SPOPL: variants seen among roughly 807,000 people sequenced by gnomAD.
SPOPL encodes speckle-type POZ protein-like.
A neutral mutation model predicts 53.8 loss-of-function variants in SPOPL; 23 were observed. The observed-to-expected ratio is 0.43, with a 90% CI of 0.31 to 0.61. The LOEUF is 0.61. SPOPL is among the 20% of genes least tolerant of loss of function. The pLI, the probability that SPOPL is intolerant of heterozygous loss-of-function variation, is 0.12. For missense variants in SPOPL, 442 were observed against 466.9 expected (o/e 0.95, Z 0.49); for synonymous variants, 164 against 149.7 (o/e 1.10, Z -0.70).
intron 1 of SPOPL, among the ~76,000 whole-genome samples, chr2:138,517,116 C>A (rs1408855288): frequency 6.6e-6 from 1 of 152,104 alleles, no homozygotes; most frequent in Admixed American, 6.5e-5. Flanking sequence ...GAATTAAGTA[C>A]CATAACTATG....
In SPOPL at chr2:138,560,339, A is replaced by G. The variant is rs143617403; in HGVS notation, c.715-466A>G. ...ACAGGATCTTAGGTGTTGTATTAGGACCTAGGGATTCAACAAAGAAAGGGT... is the reference window on the plus strand; with the variant it reads ...ACAGGATCTTAGGTGTTGTATTAGGGCCTAGGGATTCAACAAAGAAAGGGT... On this transcript the variant is annotated intron_variant, in intron 7 of 10. Coordinates refer to ENST00000280098, the MANE Select transcript of SPOPL (RefSeq NM_001001664.3). Among the ~76,000 whole-genome samples the G allele has an allele frequency of 3.3e-3, 509 of 152,208 alleles. 4 individuals carry two copies. The highest frequency in any genetic ancestry group is 0.011 in the African/African-American group (471 of 41,514).
chr2:138,565,130 A>G, intron 10 of SPOPL, 137 bp downstream of exon 10: 1 of 1,087,764 alleles, frequency 9.2e-7, no homozygotes, highest in African/African-American at 1.6e-5. Flanking sequence ...AAAAACAAAC[A>G]AAGACTACTT....
chr2:138,507,398 C>CCA (rs1684237724), intron 1 of SPOPL, among the ~76,000 whole-genome samples: 1 of 152,168 alleles, frequency 6.6e-6, no homozygotes, highest in Non-Finnish European at 1.5e-5. Flanking sequence ...AATTCAGAGA[C>CCA]TAGGGACCAT....
At chr2:138,562,834 C>G (rs1685579362) in intron 8 of SPOPL, among the ~76,000 whole-genome samples, 2 of 144,570 alleles carry the variant, frequency 1.4e-5, no homozygotes, top group Non-Finnish European at 3.0e-5. Flanking sequence ...AACCTAAAAT[C>G]TAAACCTCTA....
intron 1 of SPOPL, among the ~76,000 whole-genome samples, chr2:138,541,258 A>T (rs1468298425): frequency 6.6e-6 from 1 of 152,156 alleles, no homozygotes; most frequent in Non-Finnish European, 1.5e-5. Context: ...CTGGCCTCAT[A>T]AAATGAGTTA....
At chr2:138,549,911 A>G (rs965511286) in intron 1 of SPOPL, among the ~76,000 whole-genome samples, 19 of 152,040 alleles carry the variant, frequency 1.2e-4, no homozygotes, top group African/African-American at 4.6e-4. Context: ...AAAATTTGTG[A>G]TTTTTTGGAG....
intron 1 of SPOPL, among the ~76,000 whole-genome samples, chr2:138,513,725 G>T: frequency 7.4e-6 from 1 of 135,146 alleles, no homozygotes; most frequent in Non-Finnish European, 1.5e-5. Context: ...AGGAAATAGA[G>T]CTAGACCTTA....
chr2:138,569,055 C>T lies in SPOPL; in HGVS notation c.1154C>T (p.Pro385Leu), dbSNP rs1221344923. 1.2e-6 allele frequency: 2 copies of T among 1,613,448 alleles called. No individual in the cohort carries two copies. The highest frequency in any genetic ancestry group is 1.7e-5 in the Admixed American group (1 of 59,964). The stretch of plus-strand genomic sequence containing the variant: ...GCACAGTGTCCACAGTTTGGCATTC[C>T]ACGCAAACGGCTAAAACAGTCCTGA... ...ASAQCPQFGI[P>L]RKRLKQS Residue 385 changes from proline (P) to leucine (L), a missense_variant, in exon 11 of 11, where the codon CCA (proline) becomes CTA (leucine). Physicochemically the swap from Pro to Leu is moderately conservative, Grantham distance 98 (BLOSUM62 -3). Coordinates refer to ENST00000280098, the MANE Select transcript of SPOPL (RefSeq NM_001001664.3).
intron 5 of SPOPL, among the ~76,000 whole-genome samples, chr2:138,554,178 GA>G (rs554535304): frequency 8.9e-5 from 13 of 145,910 alleles, no homozygotes; most frequent in Non-Finnish European, 1.2e-4. Flanking sequence ...CTGAAATTAA[GA>G]TTTTTTTTTT....
chr2:138,559,466 GA>G, intron 7 of SPOPL, 129 bp downstream of exon 7: 13 of 884,456 alleles, frequency 1.5e-5, no homozygotes, highest in African/African-American at 3.4e-5. Flanking sequence ...TTACAAACAG[GA>G]AAAAAATGTG....
chr2:138,528,685 T>C (rs1684730971), intron 1 of SPOPL, among the ~76,000 whole-genome samples: 1 of 152,212 alleles, frequency 6.6e-6, no homozygotes, highest in South Asian at 2.1e-4. Flanking sequence ...ACATATGAAT[T>C]GATAAGACAG....
chr2:138,548,890 A>G (rs182632854), intron 1 of SPOPL, among the ~76,000 whole-genome samples: 280 of 152,250 alleles, frequency 1.8e-3, no homozygotes, highest in Non-Finnish European at 3.1e-3. Flanking sequence ...TTAATTAACT[A>G]TGAATTTGCC....
At position 138,502,017 on chromosome 2, in the gene SPOPL, G is replaced by C. The variant is rs2104848169; in HGVS notation, c.-163G>C. On this transcript the variant is annotated 5_prime_UTR_variant, in exon 1 of 11. Coordinates refer to ENST00000280098, the MANE Select transcript of SPOPL (RefSeq NM_001001664.3). Reference sequence around the variant, plus strand: ...ACAGGGACTTGCCGCCATCACCCCTGCTGCCACCACCGCAGCCTCGGGCTC... The same window carrying C: ...ACAGGGACTTGCCGCCATCACCCCTCCTGCCACCACCGCAGCCTCGGGCTC... 1 of 153,088 alleles carries C rather than the reference G, an allele frequency of 6.5e-6. No homozygotes were observed. The highest frequency in any genetic ancestry group is 1.9e-4 in the East Asian group (1 of 5,174). The allele number at this position is 153,088 out of a possible 1,614,324, so 9.5% of individuals were successfully genotyped here.
chr2:138,553,098 A>G (rs898274165), intron 5 of SPOPL, among the ~76,000 whole-genome samples: 6 of 152,108 alleles, frequency 3.9e-5, no homozygotes, highest in Non-Finnish European at 2.9e-5. Flanking sequence ...CCTGGAAAAC[A>G]TTGAGAAGCT....
intron 1 of SPOPL, among the ~76,000 whole-genome samples, chr2:138,507,833 T>C (rs1684247745): frequency 6.6e-6 from 1 of 152,242 alleles, no homozygotes; most frequent in African/African-American, 2.4e-5. Flanking sequence ...TTAGTATTTA[T>C]TGCCCAAGGT....
At chr2:138,536,753 G>T (rs532391456) in intron 1 of SPOPL, among the ~76,000 whole-genome samples, 21 of 152,252 alleles carry the variant, frequency 1.4e-4, no homozygotes, top group Middle Eastern at 3.4e-3. Context: ...CTGTTTTTCA[G>T]ATCATGCTTG....
intron 1 of SPOPL, among the ~76,000 whole-genome samples, chr2:138,526,723 T>C (rs2104869163): frequency 1.5e-5 from 2 of 137,096 alleles, no homozygotes; most frequent in South Asian, 4.9e-4. Flanking sequence ...AAATAGAGTA[T>C]GGAATTTTTT....
At chr2:138,507,376 G>A (rs1684237268) in intron 1 of SPOPL, among the ~76,000 whole-genome samples, 1 of 152,120 alleles carries the variant, frequency 6.6e-6, no homozygotes, top group Admixed American at 6.5e-5. Flanking sequence ...AGACTTCTAG[G>A]TATGGGATTA....
At chr2:138,507,309 T>A (rs1336672527) in intron 1 of SPOPL, among the ~76,000 whole-genome samples, 8 of 152,228 alleles carry the variant, frequency 5.3e-5, no homozygotes, top group Admixed American at 5.2e-4. Context: ...TTTCACAGCT[T>A]ATTCATTCAT....
Sources: gnomAD v4.1 joint callset for allele counts (sites outside exome capture counted in the v4.1 genomes callset) on GRCh38, gnomAD v4.1.1 for gene constraint, MANE v1.5 for transcripts, NCBI Gene and HGNC (gene_info 2026-07-23, HGNC 2026-07-21) for gene names.